The following FOXJ3 variants were observed in gnomAD, a reference collection of about 807,000 sequenced individuals.
FOXJ3 encodes forkhead box J3, also known as forkhead box protein J3.
A neutral mutation model predicts 76.1 loss-of-function variants in FOXJ3; 22 were observed. That is an observed-to-expected ratio of 0.29 (90% CI 0.21 to 0.41). The LOEUF is 0.41. FOXJ3 is among the 10% of genes least tolerant of loss of function. FOXJ3 has a pLI of 1.00. For synonymous variants in FOXJ3, 269 were observed against 261.2 expected (o/e 1.03, Z -0.29); for missense variants, 613 against 762.1 (o/e 0.80, Z 2.30).
At chr1:42,211,701 A>G (rs1646968619) in intron 5 of FOXJ3, among the ~76,000 whole-genome samples, 1 of 152,192 alleles carries the variant, frequency 6.6e-6, no homozygotes, top group Non-Finnish European at 1.5e-5. Context: ...CTGCCATTCC[A>G]GCTCCACTGG....
chr1:42,305,457 G>A (rs1224835784), intron 2 of FOXJ3, among the ~76,000 whole-genome samples: 1 of 152,132 alleles, frequency 6.6e-6, no homozygotes, highest in African/African-American at 2.4e-5. Context: ...CTCCCATATT[G>A]TTTGCAATAC....
At chr1:42,188,443 A>G (rs2124172980) in intron 11 of FOXJ3, among the ~76,000 whole-genome samples, 1 of 152,376 alleles carries the variant, frequency 6.6e-6, no homozygotes, top group East Asian at 1.9e-4. Context: ...AAACGTAAGT[A>G]TCTCCAATAT....
Position 42,319,407 on chromosome 1 carries a change from C to T in FOXJ3, c.-17-8297G>A, listed in dbSNP as rs541764193. On this transcript the variant is annotated intron_variant, in intron 1 of 12. Transcript: ENST00000361346. ...GAAAGAAACCAGTCATAAAAGATTA[C>T]ATATTGTATGATTCCATTTACATCA... 2.0e-5 allele frequency among the ~76,000 whole-genome samples: 3 copies of T among 152,252 alleles called. No individual in the cohort carries two copies. The South Asian group carries it at 6.2e-4, about 32-fold the overall frequency.
chr1:42,212,966 A>C (rs952017003), intron 5 of FOXJ3, among the ~76,000 whole-genome samples: 1 of 148,608 alleles, frequency 6.7e-6, no homozygotes, highest in Admixed American at 6.6e-5. Flanking sequence ...GCAAAAAAAA[A>C]AAAAACAAAA....
intron 6 of FOXJ3, among the ~76,000 whole-genome samples, chr1:42,202,443 T>C (rs756177108): frequency 6.6e-6 from 1 of 152,136 alleles, no homozygotes; most frequent in Non-Finnish European, 1.5e-5. Flanking sequence ...TTAGTGAGCT[T>C]TGGGGACAGT....
intron 1 of FOXJ3, among the ~76,000 whole-genome samples, chr1:42,318,828 T>A (rs1459411163): frequency 6.6e-6 from 1 of 152,126 alleles, no homozygotes; most frequent in East Asian, 1.9e-4. Flanking sequence ...AAGTTAGACA[T>A]AAGAGTTACC....
intron 2 of FOXJ3, among the ~76,000 whole-genome samples, chr1:42,296,293 T>C (rs143878244): frequency 1.1e-4 from 16 of 152,362 alleles, no homozygotes; most frequent in African/African-American, 3.6e-4. Flanking sequence ...GTTTAATCTG[T>C]TGAGTATTTC....
chr1:42,202,129 G>A (rs573341887), intron 6 of FOXJ3, among the ~76,000 whole-genome samples: 24 of 151,830 alleles, frequency 1.6e-4, no homozygotes, highest in Non-Finnish European at 2.6e-4. Context: ...ATTTTTGAAA[G>A]CTTTTTATTG....
intron 3 of FOXJ3, among the ~76,000 whole-genome samples, chr1:42,274,870 T>TA (rs911688642): frequency 2.5e-4 from 34 of 134,390 alleles, no homozygotes; most frequent in Non-Finnish European, 3.5e-4. Flanking sequence ...CAATATCAAC[T>TA]AAAAAAAAAA....
chr1:42,324,156 A>AGTATAT lies in FOXJ3; in HGVS notation c.-18+10902_-18+10903insATATAC, dbSNP rs1165681406. ...TATACAGTATATATACTATATATAC[A>AGTATAT]CTGTGTATATATAGTATATATAAAT... On this transcript the variant is annotated intron_variant, in intron 1 of 12. Transcript: ENST00000361346. Among the ~76,000 whole-genome samples, 72 of 144,278 alleles carry AGTATAT rather than the reference A, an allele frequency of 5.0e-4. 2 individuals carry two copies. Among genetic ancestry groups the AGTATAT allele is most frequent in the Non-Finnish European group, 7.5e-4 (50 of 66,228 alleles). The allele number at this position is 144,278 out of a possible 152,430, so 94.7% of individuals were successfully genotyped here.
intron 2 of FOXJ3, among the ~76,000 whole-genome samples, chr1:42,310,591 G>T (rs892478671): frequency 6.6e-6 from 1 of 151,664 alleles, no homozygotes; most frequent in Admixed American, 6.6e-5. Context: ...GGGATTACAG[G>T]TGTGAGCCAC....
rs1298660207 is a variant in FOXJ3 at position 42,231,759 on chromosome 1, A to C, written c.445-3793T>G. Among the ~76,000 whole-genome samples, 4 of 152,136 alleles carry C rather than the reference A, an allele frequency of 2.6e-5. No homozygotes were observed. The East Asian group carries it at 7.7e-4, about 29-fold the overall frequency. On this transcript the variant is annotated intron_variant, in intron 4 of 12. Transcript: ENST00000361346. ...CAAAGCTGAAGTGATCCCGAGCCCC[A>C]CAAGTAGCTGAGACCACAGGTCCAC... is the stretch of plus-strand genomic sequence containing the variant.
chr1:42,310,474 G>A lies in FOXJ3; in HGVS notation c.44+576C>T, dbSNP rs189512455. ...TCTTTTTTTTTTTTTTTAGGACAGA[G>A]TCTTGCTCTGTCCCCCAGGCTGGAG... is the stretch of plus-strand genomic sequence containing the variant. On this transcript the variant is annotated intron_variant, in intron 2 of 12. Coordinates refer to ENST00000361346, the MANE Select transcript of FOXJ3 (RefSeq NM_014947.5). 1.4e-3 allele frequency among the ~76,000 whole-genome samples: 201 copies of A among 143,372 alleles called. No individual in the cohort carries two copies. The Middle Eastern group carries it at 0.017, about 12-fold the overall frequency. The allele number at this position is 143,372 out of a possible 152,430, so 94.1% of individuals were successfully genotyped here.
At position 42,199,228 on chromosome 1, in the gene FOXJ3, T is replaced by C. The variant is rs1164674972; in HGVS notation, c.633A>G (p.Val211=). 1.2e-6 allele frequency: 2 copies of C among 1,609,926 alleles called. No individual in the cohort carries two copies. Among genetic ancestry groups the C allele is most frequent in the South Asian group, 1.1e-5 (1 of 90,738 alleles). The change falls in exon 7 of 13, where the codon GTA becomes GTG. Residue 211 remains valine (V), a splice_region_variant and synonymous_variant. Transcript: ENST00000361346. ...CATCCTGATCAGTGTTATACAATGT[T>C]ACCTAAAATGAAAAAAGAAAAATGA... ...TLAINTVTNK[V]TLYNTDQDGS...
intron 2 of FOXJ3, among the ~76,000 whole-genome samples, chr1:42,298,043 A>C (rs1293664296): frequency 6.6e-6 from 1 of 152,032 alleles, no homozygotes; most frequent in African/African-American, 2.4e-5. Flanking sequence ...CAGGTAATTG[A>C]ATCATGGGGG....
chr1:42,215,665 T>C (rs974803236), intron 5 of FOXJ3, among the ~76,000 whole-genome samples: 3 of 152,166 alleles, frequency 2.0e-5, no homozygotes, highest in Non-Finnish European at 2.9e-5. Flanking sequence ...AGATACATCA[T>C]AATCAAATTC....
intron 6 of FOXJ3, among the ~76,000 whole-genome samples, chr1:42,202,919 A>C (rs977703249): frequency 1.3e-5 from 2 of 152,170 alleles, no homozygotes; most frequent in Admixed American, 1.3e-4. Flanking sequence ...GGCATGCTTA[A>C]ATCTATTACC....
Position 42,268,438 on chromosome 1 carries a change from G to C in FOXJ3, c.370-3249C>G, listed in dbSNP as rs148229672. 4.1e-3 allele frequency among the ~76,000 whole-genome samples: 630 copies of C among 152,014 alleles called. 3 individuals are homozygous for C. The highest frequency in any genetic ancestry group is 0.014 in the African/African-American group (587 of 41,510). On this transcript the variant is annotated intron_variant, in intron 3 of 12. Transcript: ENST00000361346. ...ACACTGTTATAAGGAAGTTCTTTTGGCAGAAGTATGAAATCAAACAAAAAT... is the reference window on the plus strand; with the variant it reads ...ACACTGTTATAAGGAAGTTCTTTTGCCAGAAGTATGAAATCAAACAAAAAT...
chr1:42,196,796 T>C (rs1318812371), intron 7 of FOXJ3, among the ~76,000 whole-genome samples: 1 of 152,244 alleles, frequency 6.6e-6, no homozygotes, highest in Non-Finnish European at 1.5e-5. Flanking sequence ...GTCTGTCATC[T>C]AGTTCTATAC....
Sources: allele counts gnomAD v4.1 joint callset (sites outside exome capture counted in the v4.1 genomes callset), GRCh38; gene constraint gnomAD v4.1.1; transcripts MANE v1.5; gene names NCBI Gene and HGNC (gene_info 2026-07-23, HGNC 2026-07-21).